Variants in CEP152 observed in about 807,000 individuals in gnomAD.
The protein encoded by CEP152 is centrosomal protein of 152 kDa.
A neutral mutation model predicts 188.9 loss-of-function variants in CEP152; 132 were observed. The ratio of observed to expected loss-of-function variants is 0.70; its 90% confidence interval spans 0.61 to 0.81. The LOEUF (loss-of-function observed/expected upper bound fraction) is 0.81, where lower values mean the gene tolerates loss of function less well. CEP152 is among the 30% of genes least tolerant of loss of function. The pLI, the probability that CEP152 is intolerant of heterozygous loss-of-function variation, is 0.00. For missense variants in CEP152, 1,914 were observed against 1,969.8 expected (o/e 0.97, Z 0.54); for synonymous variants, 649 against 666.6 (o/e 0.97, Z 0.41).
chr15:48,772,257 A>G (rs779831844), intron 13 of CEP152, among the ~76,000 whole-genome samples: 18 of 152,072 alleles, frequency 1.2e-4, no homozygotes, highest in Non-Finnish European at 2.4e-4. Flanking sequence ...CAAAAAATTT[A>G]AAAATTAGCC....
intron 13 of CEP152, 103 bp from the exon 14 acceptor site, chr15:48,769,184 C>T: frequency 1.1e-6 from 1 of 884,928 alleles, no homozygotes; most frequent in Non-Finnish European, 1.7e-6. Context: ...TACAAATAAT[C>T]TCCATATAGC....
At chr15:48,752,607 T>A in intron 20 of CEP152, 138 bp from the exon 21 acceptor site, 1 of 1,407,464 alleles carries the variant, frequency 7.1e-7, no homozygotes, top group Non-Finnish European at 9.4e-7. Flanking sequence ...CGCCAATATT[T>A]TTCTTAGGGT....
Position 48,756,197 on chromosome 15 carries a change from T to C in CEP152, c.3051A>G (p.Gln1017=). The part of the protein sequence containing the change: ...ELLLQKETEL[Q]TCLDQSRREW... ...CTCTACGACTCTGGTCTAGACAAGT[T>C]TGTAATTCTGTCTCCTTCTGAAGAA... Residue 1017 remains glutamine (Q), a synonymous_variant, in exon 20 of 27, where the codon CAA becomes CAG. Coordinates refer to ENST00000380950, the MANE Select transcript of CEP152 (RefSeq NM_001194998.2). 1 of 1,613,898 alleles carries C rather than the reference T, an allele frequency of 6.2e-7. No homozygotes were observed. Among genetic ancestry groups the C allele is most frequent in the Non-Finnish European group, 8.5e-7 (1 of 1,179,908 alleles).
intron 22 of CEP152, among the ~76,000 whole-genome samples, chr15:48,747,684 A>G (rs1477056043): frequency 6.6e-6 from 1 of 152,206 alleles, no homozygotes; most frequent in East Asian, 1.9e-4. Flanking sequence ...GCAGTAAAAG[A>G]AATAGGACCA....
In CEP152 at chr15:48,768,193, T is replaced by A. The variant is rs376963001; in HGVS notation, c.2018+26A>T. On this transcript the variant is annotated intron_variant, in intron 15 of 26. Transcript: ENST00000380950. ...GAGGGGAAGGGTACCCAGGAGACAG[T>A]CGTCAGGCATCTATATAGACCTTAC... The A allele has an allele frequency of 2.3e-6, 3 of 1,328,392 alleles. No homozygotes were observed. In the African/African-American group the frequency reaches 4.3e-5, roughly 19 times the overall value. The allele number at this position is 1,328,392 out of a possible 1,614,324, so 82.3% of individuals were successfully genotyped here.
At chr15:48,773,511 T>C in intron 12 of CEP152, 1 of 152,214 alleles carries the variant, frequency 6.6e-6, no homozygotes. Context: ...CCAGAGTGGC[T>C]AGAATATGAA....
intron 26 of CEP152, among the ~76,000 whole-genome samples, chr15:48,740,185 C>T (rs1049079911): frequency 6.6e-6 from 1 of 152,210 alleles, no homozygotes; most frequent in African/African-American, 2.4e-5. Context: ...AAAACAATTA[C>T]AGTTTCTTGG....
intron 11 of CEP152, 95 bp downstream of exon 11, chr15:48,782,044 C>T: frequency 8.7e-7 from 1 of 1,154,632 alleles, no homozygotes; most frequent in Non-Finnish European, 1.3e-6. Context: ...GTCCAACCAC[C>T]TCTATTATAC....
chr15:48,745,016 A>G, intron 22 of CEP152, 24 bp from the exon 23 acceptor site: 4 of 1,530,942 alleles, frequency 2.6e-6, no homozygotes, highest in Non-Finnish European at 3.5e-6. Flanking sequence ...TTTATAGTAT[A>G]TTAGACAGTT....
chr15:48,804,923 C>T (rs1293016049), intron 2 of CEP152, among the ~76,000 whole-genome samples: 1 of 152,216 alleles, frequency 6.6e-6, no homozygotes, highest in African/African-American at 2.4e-5. Flanking sequence ...GTGGCATACA[C>T]GGGGTCTCTT....
chr15:48,772,424 T>C (rs1595651557), intron 13 of CEP152, 63 bp downstream of exon 13: 4 of 1,397,290 alleles, frequency 2.9e-6, no homozygotes, highest in East Asian at 4.6e-5. Context: ...AAAAAAAAAG[T>C]GTAAAAGTTT....
chr15:48,751,190 G>GA (rs2140634769), intron 21 of CEP152, among the ~76,000 whole-genome samples: 1 of 151,876 alleles, frequency 6.6e-6, no homozygotes, highest in African/African-American at 2.4e-5. Context: ...GTTTTTAAGG[G>GA]AAAAAAGACT....
intron 8 of CEP152, among the ~76,000 whole-genome samples, chr15:48,790,748 AAT>A (rs2140882720): frequency 6.6e-6 from 1 of 152,210 alleles, no homozygotes; most frequent in South Asian, 2.1e-4. Context: ...TGTACTTTTT[AAT>A]AGAGACGGGG....
chr15:48,772,780 A>G, intron 12 of CEP152, 89 bp from the exon 13 acceptor site: 1 of 1,092,908 alleles, frequency 9.1e-7, no homozygotes, highest in Non-Finnish European at 1.4e-6. Context: ...AGTGGTGAAC[A>G]TGTTTTGTCA....
At chr15:48,750,428 T>C (rs912247815) in intron 21 of CEP152, among the ~76,000 whole-genome samples, 3 of 152,206 alleles carry the variant, frequency 2.0e-5, no homozygotes, top group Non-Finnish European at 4.4e-5. Flanking sequence ...GTAAAGTCAT[T>C]GATCCAGCAA....
intron 1 of CEP152, among the ~76,000 whole-genome samples, chr15:48,806,552 G>A (rs1036034932): frequency 2.0e-5 from 3 of 152,180 alleles, no homozygotes; most frequent in African/African-American, 7.2e-5. Flanking sequence ...CCAATGAAAC[G>A]CACTTGGATG....
intron 7 of CEP152, among the ~76,000 whole-genome samples, chr15:48,792,607 A>G (rs1407845664): frequency 6.6e-6 from 1 of 152,180 alleles, no homozygotes; most frequent in Non-Finnish European, 1.5e-5. Flanking sequence ...CGTTTATGCT[A>G]ATTTGTAGCC....
intron 8 of CEP152, chr15:48,789,281 G>C (rs908339255): frequency 1.7e-5 from 8 of 473,922 alleles, no homozygotes; most frequent in Non-Finnish European, 3.1e-5. Context: ...GATGGATGTG[G>C]CTATCAGGCA....
chr15:48,805,933 G>A (rs1031045100), intron 1 of CEP152, among the ~76,000 whole-genome samples: 3 of 152,096 alleles, frequency 2.0e-5, no homozygotes, highest in Non-Finnish European at 2.9e-5. Flanking sequence ...GATTTTTGCC[G>A]ACATGAAAAA....
Sources: gnomAD v4.1 joint callset for allele counts (sites outside exome capture counted in the v4.1 genomes callset) on GRCh38, gnomAD v4.1.1 for gene constraint, MANE v1.5 for transcripts, NCBI Gene and HGNC (gene_info 2026-07-23, HGNC 2026-07-21) for gene names.